The following DCT variants were observed in gnomAD, a reference collection of about 807,000 sequenced individuals.
DCT encodes the protein L-dopachrome tautomerase.
A neutral mutation model predicts 53.0 loss-of-function variants in DCT; 47 were observed. The ratio of observed to expected loss-of-function variants is 0.89; its 90% confidence interval spans 0.70 to 1.13. DCT has a LOEUF of 1.13. DCT is among the 50% of genes most tolerant of loss of function. The pLI is 0.00. For synonymous variants in DCT, 244 were observed against 237.0 expected, an observed-to-expected ratio of 1.03 and a Z score of -0.27; for missense variants, 669 against 637.4, an observed-to-expected ratio of 1.05 and a Z score of -0.53.
At chr13:94,549,163 C>G in the DCT span, among the ~76,000 whole-genome samples, 2 of 152,268 alleles carry the variant, frequency 1.3e-5, no homozygotes, top group Non-Finnish European at 2.9e-5. Flanking sequence ...CACTGGGTTC[C>G]GCTCACCGGC....
chr13:94,448,920 TAATA>T (rs1882906646), intron 6 of DCT, among the ~76,000 whole-genome samples: 1 of 151,554 alleles, frequency 6.6e-6, no homozygotes, highest in South Asian at 2.1e-4. Flanking sequence ...AAAATAATAA[TAATA>T]AATAAATAAA....
At chr13:94,548,496 G>A in the DCT span, among the ~76,000 whole-genome samples, 11 of 151,894 alleles carry the variant, frequency 7.2e-5, no homozygotes, top group Admixed American at 5.9e-4. Flanking sequence ...ATTTTCCTAC[G>A]ACACAAATAG....
At chr13:94,460,989 G>A (rs917211951) in intron 5 of DCT, among the ~76,000 whole-genome samples, 2 of 152,208 alleles carry the variant, frequency 1.3e-5, no homozygotes, top group East Asian at 3.8e-4. Flanking sequence ...TGTAGAGGTT[G>A]TGCTAAGTGT....
the DCT span, among the ~76,000 whole-genome samples, chr13:94,546,763 T>C: frequency 6.6e-6 from 1 of 152,108 alleles, no homozygotes; most frequent in African/African-American, 2.4e-5. The surrounding 1 kb of genome is among the most constrained non-coding windows in gnomAD (Gnocchi z 4.2). Context: ...AGTTTCCTGA[T>C]AAGATCTTAG....
the DCT span, among the ~76,000 whole-genome samples, chr13:94,542,088 A>G: frequency 6.6e-6 from 1 of 152,318 alleles, no homozygotes; most frequent in South Asian, 2.1e-4. Flanking sequence ...CTAGCAGCAT[A>G]TACGCTTCCC....
chr13:94,442,998 T>A (rs1834631709), intron 7 of DCT, among the ~76,000 whole-genome samples: 1 of 152,212 alleles, frequency 6.6e-6, no homozygotes, highest in South Asian at 2.1e-4. Context: ...ATGTTGTACT[T>A]TCCTCACCCT....
chr13:94,511,884 A>G, the DCT span, among the ~76,000 whole-genome samples: 1 of 150,478 alleles, frequency 6.6e-6, no homozygotes, highest in African/African-American at 2.4e-5. Context: ...GTTTTAAGAG[A>G]TGGGGGTCTT....
chr13:94,461,795 AAG>A (rs1370416414), intron 5 of DCT, among the ~76,000 whole-genome samples: 13 of 152,186 alleles, frequency 8.5e-5, no homozygotes, highest in Non-Finnish European at 1.2e-4. Context: ...TTGAACAGCT[AAG>A]TTAGAAGGTA....
At chr13:94,484,239 C>T (rs1434720970), upstream of DCT, among the ~76,000 whole-genome samples, 2 of 152,168 alleles carry the variant, frequency 1.3e-5, no homozygotes, top group Non-Finnish European at 2.9e-5. Flanking sequence ...CCACCTTACT[C>T]ACGTCTGCTC....
At chr13:94,445,845 T>C in intron 6 of DCT, 5 of 944,698 alleles carry the variant, frequency 5.3e-6, no homozygotes, top group Non-Finnish European at 8.2e-6. Context: ...CGCTGCCCCA[T>C]GCAGAAGTGG....
chr13:94,518,763 T>G, the DCT span, among the ~76,000 whole-genome samples: 1 of 152,382 alleles, frequency 6.6e-6, no homozygotes, highest in African/African-American at 2.4e-5. Context: ...TTTGGCTCTC[T>G]GCTTAAAACT....
intron 2 of DCT, chr13:94,467,407 A>T (rs920370207): frequency 6.6e-6 from 1 of 152,204 alleles, no homozygotes; most frequent in African/African-American, 2.4e-5. Context: ...ACCTATAACA[A>T]CTTCAGAGAG....
chr13:94,500,286 T>C, the DCT span, among the ~76,000 whole-genome samples: 1 of 152,206 alleles, frequency 6.6e-6, no homozygotes, highest in Non-Finnish European at 1.5e-5. Flanking sequence ...CAGTTCCACG[T>C]GGCTGGGGAG....
At chr13:94,496,931 C>T in the DCT span, among the ~76,000 whole-genome samples, 2 of 152,120 alleles carry the variant, frequency 1.3e-5, no homozygotes, top group African/African-American at 4.8e-5. Flanking sequence ...AAGTGCTGGA[C>T]GTCCTTCAAG....
At chr13:94,456,711 A>G in intron 6 of DCT, among the ~76,000 whole-genome samples, 1 of 152,228 alleles carries the variant, frequency 6.6e-6, no homozygotes, top group Non-Finnish European at 1.5e-5. Flanking sequence ...CAAGAGACCC[A>G]CACTTTGCAG....
chr13:94,456,392 C>T (rs1333858097), intron 6 of DCT, among the ~76,000 whole-genome samples: 1 of 152,156 alleles, frequency 6.6e-6, no homozygotes, highest in Non-Finnish European at 1.5e-5. Context: ...CTCTTCATAG[C>T]TCCTTTTTTT....
At chr13:94,469,573 T>C (rs1884488541) in intron 1 of DCT, among the ~76,000 whole-genome samples, 1 of 152,030 alleles carries the variant, frequency 6.6e-6, no homozygotes, top group Non-Finnish European at 1.5e-5. Flanking sequence ...TCCAGAACTG[T>C]GGGAGGGTGA....
chr13:94,521,728 TTTG>T, the DCT span, among the ~76,000 whole-genome samples: 1,896 of 152,328 alleles, frequency 0.012, 44 homozygotes, highest in African/African-American at 0.043. Flanking sequence ...AATTGCTGCT[TTTG>T]TTGTTGTTAA....
At chr13:94,519,488 A>G in the DCT span, among the ~76,000 whole-genome samples, 16 of 152,180 alleles carry the variant, frequency 1.1e-4, no homozygotes, top group Non-Finnish European at 2.1e-4. Flanking sequence ...TCTCAGAAAA[A>G]AGAAATGACT....
Sources: allele counts gnomAD v4.1 joint callset (sites outside exome capture counted in the v4.1 genomes callset), GRCh38; gene constraint gnomAD v4.1.1; non-coding constraint Gnocchi (gnomAD v3.1); transcripts MANE v1.5; gene names NCBI Gene and HGNC (gene_info 2026-07-23, HGNC 2026-07-21).